Variants in TFEC observed in about 807,000 individuals in gnomAD.
The protein encoded by TFEC is transcription factor EC, also known as class E basic helix-loop-helix protein 34.
In TFEC, 31 loss-of-function variants were observed where a neutral mutation model predicts 41.6. That is an observed-to-expected ratio of 0.74 (90% CI 0.56 to 1.01). The LOEUF is 1.01. Among genes scored for constraint, TFEC ranks in the 50% least tolerant of loss-of-function variants. The probability of loss-of-function intolerance (pLI) is 0.00; values close to 1 mark genes in which losing one functional copy is unlikely to be tolerated. For missense variants in TFEC, 402 were observed against 404.1 expected (o/e 0.99, Z 0.04); for synonymous variants, 143 against 140.6 (o/e 1.02, Z -0.12).
rs768242184 is a variant in TFEC, at chr7:115,938,828, T to C, written c.*1723A>G. 5.3e-5 allele frequency: 8 copies of C among 151,970 alleles called. No individual in the cohort carries two copies. Among genetic ancestry groups the C allele is most frequent in the African/African-American group, 1.9e-4 (8 of 41,442 alleles). 9.4% of individuals were successfully genotyped at this position (151,970 alleles called of 1,614,324 possible). On this transcript the variant is annotated 3_prime_UTR_variant, in exon 8 of 8. Transcript: ENST00000265440. ...TTGTTTCTATTATATTAATACTATA[T>C]TATTTCACCATAGTTTTCTAAGGGC...
intron 2 of TFEC, among the ~76,000 whole-genome samples, chr7:115,978,888 A>G (rs907419031): frequency 6.6e-6 from 1 of 152,128 alleles, no homozygotes; most frequent in Non-Finnish European, 1.5e-5. Context: ...TCTTCAAAAG[A>G]GTATCTTTAG....
chr7:116,115,661 T>C (rs1339068942), intron 1 of TFEC, among the ~76,000 whole-genome samples: 1 of 151,992 alleles, frequency 6.6e-6, no homozygotes, highest in Non-Finnish European at 1.5e-5. Flanking sequence ...CATATGCAAG[T>C]TTCTTTTGCC....
intron 1 of TFEC, among the ~76,000 whole-genome samples, chr7:115,989,348 T>A (rs1299297881): frequency 2.6e-5 from 4 of 152,072 alleles, no homozygotes; most frequent in Non-Finnish European, 4.4e-5. Flanking sequence ...AGAAGACAGG[T>A]GATTTCTGCA....
rs373899007 is a variant in TFEC, at chr7:116,137,884, TAATA to T, written c.-69+21902_-69+21905del. On this transcript the variant is annotated intron_variant, in intron 1 of 8. Transcript: ENST00000484212. ...AAAATAGTTTAGAAAATGAAAATATTAATAAATAAATAATTATAAATTTGAATAT... is the reference window on the plus strand; with the variant it reads ...AAAATAGTTTAGAAAATGAAAATATTAATAAATAATTATAAATTTGAATAT... 2.6e-3 allele frequency among the ~76,000 whole-genome samples: 388 copies of T among 151,988 alleles called. 2 individuals carry two copies. The highest frequency in any genetic ancestry group is 8.6e-3 in the African/African-American group (359 of 41,520).
intron 1 of TFEC, among the ~76,000 whole-genome samples, chr7:116,138,602 TA>T (rs1246076312): frequency 1.3e-5 from 2 of 152,216 alleles, no homozygotes; most frequent in Non-Finnish European, 1.5e-5. Context: ...TTTGCCAATT[TA>T]AGAAGCAATT....
rs576812896 is a variant in TFEC at position 116,117,960 on chromosome 7, C to A, written c.-68-5922G>T. On this transcript the variant is annotated intron_variant, in intron 1 of 8. Transcript: ENST00000484212. ...CACTCGTATACATTGTGGACACCAC[C>A]GGCCTGAAAATTCTCAGTTGAGGGA... is the stretch of plus-strand genomic sequence containing the variant. Among the ~76,000 whole-genome samples, 6 of 151,870 alleles carry A rather than the reference C, an allele frequency of 4.0e-5. No homozygotes were observed. In the South Asian group the frequency reaches 1.2e-3, roughly 32 times the overall value.
At chr7:116,083,918 C>T (rs1210317180) in intron 3 of TFEC, among the ~76,000 whole-genome samples, 1 of 151,758 alleles carries the variant, frequency 6.6e-6, no homozygotes, top group Non-Finnish European at 1.5e-5. Flanking sequence ...GAACCTGAAC[C>T]CATTATTTTG....
chr7:116,001,924 G>C (rs933221635), intron 1 of TFEC, among the ~76,000 whole-genome samples: 1 of 152,092 alleles, frequency 6.6e-6, no homozygotes, highest in African/African-American at 2.4e-5. Context: ...ATAAAAAGGT[G>C]CTCAACATCA....
intron 3 of TFEC, among the ~76,000 whole-genome samples, chr7:116,055,089 G>A (rs1262344724): frequency 6.6e-6 from 1 of 152,102 alleles, no homozygotes; most frequent in African/African-American, 2.4e-5. Context: ...CAGTGGGCAA[G>A]CTCCCTGATC....
At chr7:116,054,899 T>C (rs1584459957) in intron 3 of TFEC, among the ~76,000 whole-genome samples, 1 of 152,276 alleles carries the variant, frequency 6.6e-6, no homozygotes, top group East Asian at 1.9e-4. Context: ...GAATAAGTTT[T>C]ACCAAGTCAG....
At chr7:116,114,621 G>A (rs1797933526) in intron 1 of TFEC, among the ~76,000 whole-genome samples, 1 of 151,952 alleles carries the variant, frequency 6.6e-6, no homozygotes, top group African/African-American at 2.4e-5. Flanking sequence ...TACACTTCCA[G>A]AAGATGAAGA....
intron 3 of TFEC, among the ~76,000 whole-genome samples, chr7:116,106,506 C>T (rs944508841): frequency 3.9e-5 from 6 of 152,168 alleles, no homozygotes; most frequent in Non-Finnish European, 5.9e-5. Context: ...CCTCAGCCTC[C>T]TGAGTAGCTG....
In TFEC at chr7:116,093,101, T is replaced by C. The variant is rs576033757; in HGVS notation, c.198+17607A>G. Among the ~76,000 whole-genome samples, 118 of 152,292 alleles carry C rather than the reference T, an allele frequency of 7.7e-4. 1 individual carries two copies. The highest frequency in any genetic ancestry group is 2.7e-3 in the African/African-American group (112 of 41,574). The stretch of plus-strand genomic sequence containing the variant: ...ACTGAGTACCTATTGAGTTAATACA[T>C]CAGCAGACTGAGTACTTTGAAATTT... On this transcript the variant is annotated intron_variant, in intron 3 of 8. Coordinates refer to the TFEC transcript ENST00000484212.
At chr7:115,961,227 A>G (rs1792531245) in intron 3 of TFEC, among the ~76,000 whole-genome samples, 1 of 151,738 alleles carries the variant, frequency 6.6e-6, no homozygotes, top group Admixed American at 6.6e-5. Flanking sequence ...GAACATATAC[A>G]AAAACTGACT....
At chr7:116,001,806 A>C (rs1489153149) in intron 1 of TFEC, among the ~76,000 whole-genome samples, 1 of 152,220 alleles carries the variant, frequency 6.6e-6, no homozygotes, top group Non-Finnish European at 1.5e-5. Context: ...ATAGAAAAAA[A>C]TCTAATAATC....
At chr7:116,080,583 A>C (rs1381329334) in intron 3 of TFEC, among the ~76,000 whole-genome samples, 2 of 152,186 alleles carry the variant, frequency 1.3e-5, no homozygotes, top group African/African-American at 4.8e-5. Flanking sequence ...CAAGAAGCAT[A>C]TGGAAAATTG....
intron 1 of TFEC, among the ~76,000 whole-genome samples, chr7:116,141,109 G>C (rs1270580193): frequency 6.6e-6 from 1 of 152,090 alleles, no homozygotes; most frequent in Non-Finnish European, 1.5e-5. Flanking sequence ...AATTAATAAG[G>C]CATGCTAAGT....
At chr7:116,138,263 T>C (rs992222111) in intron 1 of TFEC, among the ~76,000 whole-genome samples, 4 of 152,224 alleles carry the variant, frequency 2.6e-5, no homozygotes, top group Non-Finnish European at 4.4e-5. Context: ...TAGATGTACA[T>C]GGTATTTTAT....
intron 3 of TFEC, among the ~76,000 whole-genome samples, chr7:116,107,720 C>G (rs1797753619): frequency 6.6e-6 from 1 of 152,120 alleles, no homozygotes; most frequent in Admixed American, 6.6e-5. Context: ...AATAATAAAG[C>G]TAGTGAGAAA....
Sources: allele counts gnomAD v4.1 joint callset (sites outside exome capture counted in the v4.1 genomes callset), GRCh38; gene constraint gnomAD v4.1.1; transcripts MANE v1.5; gene names NCBI Gene and HGNC (gene_info 2026-07-23, HGNC 2026-07-21).